PCDHGA2: variants seen among roughly 807,000 people sequenced by gnomAD.
PCDHGA2 encodes protocadherin gamma subfamily A, 2.
A neutral mutation model predicts 59.2 loss-of-function variants in PCDHGA2; 40 were observed. That is an observed-to-expected ratio of 0.68 (90% CI 0.52 to 0.88). PCDHGA2 has a LOEUF of 0.88. PCDHGA2 is among the 40% of genes least tolerant of loss of function. The pLI, the probability that PCDHGA2 is intolerant of heterozygous loss-of-function variation, is 0.00. For missense variants in PCDHGA2, 1,226 were observed against 1,204.0 expected (o/e 1.02, Z -0.27); for synonymous variants, 560 against 526.0 (o/e 1.06, Z -0.89).
At chr5:141,492,548 C>A (rs1028674110) in intron 1 of PCDHGA2, among the ~76,000 whole-genome samples, 1 of 152,218 alleles carries the variant, frequency 6.6e-6, no homozygotes, top group Non-Finnish European at 1.5e-5. Flanking sequence ...TGGGCCGGGT[C>A]GCCTGGGGGG....
At chr5:141,395,535 C>T in intron 1 of PCDHGA2, 1 of 331,902 alleles carries the variant, frequency 3.0e-6, no homozygotes, top group Non-Finnish European at 5.4e-6. Flanking sequence ...GGTAATTTTG[C>T]TATTGTTTGT....
At chr5:141,445,188 GTATTCTA>G (rs1223900471) in intron 1 of PCDHGA2, among the ~76,000 whole-genome samples, 1 of 152,080 alleles carries the variant, frequency 6.6e-6, no homozygotes, top group Non-Finnish European at 1.5e-5. Context: ...ATGTTTTTAT[GTATTCTA>G]TATGCTTTTG....
intron 2 of PCDHGA2, 47 bp from the exon 3 acceptor site, chr5:141,505,346 C>G: frequency 4.3e-6 from 7 of 1,612,970 alleles, no homozygotes; most frequent in Non-Finnish European, 5.9e-6. Context: ...GGGGCATGAG[C>G]TGTGCCGGCC....
Position 141,431,587 on chromosome 5 carries a change from A to C in PCDHGA2, c.2425-63220A>C. On this transcript the variant is annotated intron_variant, in intron 1 of 3. Coordinates refer to ENST00000394576, the MANE Select transcript of PCDHGA2 (RefSeq NM_018915.4). This position sits in a 1 kb window ranked among gnomAD's most constrained non-coding sequence, Gnocchi z 4.8. ...ACCCTGACGAAGGAGTCAATGCGGA[A>C]GTGAGGTATTCCTTCCGGTATGTGG... The C allele has an allele frequency of 1.2e-6, 2 of 1,614,236 alleles. No homozygotes were observed. Among genetic ancestry groups the C allele is most frequent in the Non-Finnish European group, 1.7e-6 (2 of 1,180,036 alleles).
intron 1 of PCDHGA2, among the ~76,000 whole-genome samples, chr5:141,480,195 G>C (rs1350891459): frequency 6.6e-6 from 1 of 151,182 alleles, no homozygotes; most frequent in African/African-American, 2.4e-5. Flanking sequence ...CTTGAGGCCA[G>C]CAGTTCAAGA....
At chr5:141,459,846 A>G (rs945742948) in intron 1 of PCDHGA2, among the ~76,000 whole-genome samples, 1 of 152,170 alleles carries the variant, frequency 6.6e-6, no homozygotes, top group Admixed American at 6.5e-5. Context: ...CTATTTGTAT[A>G]TCTTCTTGAA....
chr5:141,339,799 A>G lies in PCDHGA2; in HGVS notation c.828A>G (p.Gln276=). 6.2e-7 allele frequency: 1 copy of G among 1,614,226 alleles called. No individual in the cohort carries two copies. ...ATDADEGYYA[Q]VVYFLEKSPG... ...ACGCAGATGAGGGCTACTACGCTCA[A>G]GTGGTATATTTTCTAGAGAAAAGCC... is the stretch of plus-strand genomic sequence containing the variant. The change falls in exon 1 of 4, where the codon CAA becomes CAG. Residue 276 remains glutamine (Q), a synonymous_variant. Transcript: ENST00000394576.
chr5:141,511,537 A>G lies in PCDHGA2; in HGVS notation c.*364A>G. 2 of 319,256 alleles carry G rather than the reference A, an allele frequency of 6.3e-6. No individual in the cohort carries two copies. Among genetic ancestry groups the G allele is most frequent in the South Asian group, 3.3e-5 (1 of 29,854 alleles). 19.8% of individuals were successfully genotyped at this position (319,256 alleles called of 1,614,324 possible). A position where few individuals can be genotyped will look rare whatever the true frequency, so the allele number is the denominator to read the frequency against. On this transcript the variant is annotated 3_prime_UTR_variant, in exon 4 of 4. Coordinates refer to ENST00000394576, the MANE Select transcript of PCDHGA2 (RefSeq NM_018915.4). ...TCCATCCCATGCCTCCCTCCTCCCC[A>G]CCCCACTCCAACAGTTCCTCTTTCC... is the stretch of plus-strand genomic sequence containing the variant.
At chr5:141,404,769 A>G in intron 1 of PCDHGA2, 2 of 1,611,124 alleles carry the variant, frequency 1.2e-6, no homozygotes, top group Non-Finnish European at 1.7e-6. Flanking sequence ...TGGCTCTCCT[A>G]CCGCCTATTC....
In PCDHGA2 at chr5:141,486,645, C is replaced by G. The variant is rs369948556; in HGVS notation, c.2425-8162C>G. ...GACTCTGGCTTGAATGCGCTTATCT[C>G]CTACTCACTCCTGGAGCCCAGGAAT... On this transcript the variant is annotated intron_variant, in intron 1 of 3. Coordinates refer to ENST00000394576, the MANE Select transcript of PCDHGA2 (RefSeq NM_018915.4). The surrounding 1 kb of genome is among the most constrained non-coding windows in gnomAD (Gnocchi z 5.0). 4.3e-6 allele frequency: 7 copies of G among 1,613,752 alleles called. No individual in the cohort carries two copies. The Admixed American group carries it at 6.7e-5, about 15-fold the overall frequency.
At chr5:141,350,221 A>C in intron 1 of PCDHGA2, 2 of 1,494,264 alleles carry the variant, frequency 1.3e-6, no homozygotes, top group South Asian at 2.9e-5. Flanking sequence ...CTTTTTGAAA[A>C]ACATCCCAGA....
intron 1 of PCDHGA2, chr5:141,399,663 G>C: frequency 6.2e-7 from 1 of 1,613,624 alleles, no homozygotes; most frequent in Non-Finnish European, 8.5e-7. Context: ...TGGTGTTCGC[G>C]CAGCGCGCCT....
At chr5:141,469,951 T>G (rs1467717372) in intron 1 of PCDHGA2, among the ~76,000 whole-genome samples, 2 of 152,034 alleles carry the variant, frequency 1.3e-5, no homozygotes, top group African/African-American at 4.8e-5. Context: ...GCCAGCATGG[T>G]GAAACCCCAT....
At chr5:141,351,050 A>G (rs1758630679) in intron 1 of PCDHGA2, 1 of 1,614,080 alleles carries the variant, frequency 6.2e-7, no homozygotes, top group East Asian at 2.2e-5. Context: ...GGTGATGGCC[A>G]CAGACCAGGA....
At chr5:141,400,102 G>C (rs376189143) in intron 1 of PCDHGA2, 35 of 1,614,084 alleles carry the variant, frequency 2.2e-5, no homozygotes, top group Non-Finnish European at 3.0e-5. Context: ...GCTGCACTTG[G>C]TCTTTGCTGA....
chr5:141,431,237 C>A lies in PCDHGA2; in HGVS notation c.2425-63570C>A. 1 of 1,614,170 alleles carries A rather than the reference C, an allele frequency of 6.2e-7. No homozygotes were observed. Among genetic ancestry groups the A allele is most frequent in the Non-Finnish European group, 8.5e-7 (1 of 1,180,044 alleles). The stretch of plus-strand genomic sequence containing the variant: ...GTTCCCTCTACCCCACGCCTGGGAT[C>A]CGGATATCGGGAAGAACTCTCTGCA... On this transcript the variant is annotated intron_variant, in intron 1 of 3. Transcript: ENST00000394576. The surrounding 1 kb of genome is among the most constrained non-coding windows in gnomAD (Gnocchi z 4.8).
intron 1 of PCDHGA2, chr5:141,366,664 G>C: frequency 6.2e-7 from 1 of 1,614,236 alleles, no homozygotes; most frequent in Non-Finnish European, 8.5e-7. Context: ...ACGCAGACAC[G>C]CTCCTTAGTG....
At chr5:141,404,560 C>G in intron 1 of PCDHGA2, 1 of 1,613,578 alleles carries the variant, frequency 6.2e-7, no homozygotes, top group South Asian at 1.1e-5. Context: ...CGGCAAGTGA[C>G]AGTGGAAGCC....
At chr5:141,494,890 C>A (rs1483157263) in intron 2 of PCDHGA2, 25 bp downstream of exon 2, 1 of 1,614,120 alleles carries the variant, frequency 6.2e-7, no homozygotes. Context: ...CTCCAGCCCA[C>A]CCTCTTCTCT....
Sources: gnomAD v4.1 joint callset for allele counts (sites outside exome capture counted in the v4.1 genomes callset) on GRCh38, gnomAD v4.1.1 for gene constraint, Gnocchi (gnomAD v3.1) non-coding constraint, MANE v1.5 for transcripts, NCBI Gene and HGNC (gene_info 2026-07-23, HGNC 2026-07-21) for gene names.